The following ASB5 variants were observed in gnomAD, a reference collection of about 807,000 sequenced individuals.
The protein encoded by ASB5 is ankyrin repeat and SOCS box protein 5.
Under a neutral mutation model 42.1 loss-of-function variants are expected in ASB5, and 45 were observed. The ratio of observed to expected loss-of-function variants is 1.07; its 90% confidence interval spans 0.84 to 1.37. The LOEUF is 1.37. ASB5 is among the 40% of genes most tolerant of loss of function. The probability of loss-of-function intolerance (pLI) is 0.00; values close to 1 mark genes in which losing one functional copy is unlikely to be tolerated. For missense variants in ASB5, 402 were observed against 399.8 expected, an observed-to-expected ratio of 1.01 and a Z score of -0.05; for synonymous variants, 147 against 150.6, an observed-to-expected ratio of 0.98 and a Z score of 0.18.
At chr4:176,237,218 A>T in intron 1 of ASB5, 1 of 931,038 alleles carries the variant, frequency 1.1e-6, no homozygotes, top group Non-Finnish European at 1.3e-6. Context: ...CGCAGTTTAA[A>T]GTTAGTATTT....
intron 1 of ASB5, among the ~76,000 whole-genome samples, chr4:176,256,048 G>T (rs916415807): frequency 6.6e-6 from 1 of 152,138 alleles, no homozygotes; most frequent in Non-Finnish European, 1.5e-5. Context: ...ACTTTTAGGG[G>T]CTGTCATATA....
chr4:176,236,015 C>T (rs376670549), intron 1 of ASB5, among the ~76,000 whole-genome samples: 3 of 151,494 alleles, frequency 2.0e-5, no homozygotes, highest in South Asian at 4.2e-4. Context: ...GGGCCTGGCT[C>T]TATATTTTCA....
At chr4:176,234,779 A>G (rs766628945) in intron 1 of ASB5, among the ~76,000 whole-genome samples, 1 of 152,172 alleles carries the variant, frequency 6.6e-6, no homozygotes, top group Non-Finnish European at 1.5e-5. Context: ...ACTCTATCAC[A>G]TATTGGCTCA....
intron 1 of ASB5, among the ~76,000 whole-genome samples, chr4:176,234,956 G>A (rs1753649158): frequency 2.0e-5 from 3 of 152,144 alleles, no homozygotes; most frequent in Non-Finnish European, 4.4e-5. Context: ...TAGGACTTAG[G>A]GGAATTAAAT....
Position 176,236,754 on chromosome 4 carries a change from A to C in ASB5, c.197-11413T>G, listed in dbSNP as rs886819597. 2.6e-5 allele frequency among the ~76,000 whole-genome samples: 4 copies of C among 152,172 alleles called. No homozygotes were observed. In the East Asian group the frequency reaches 7.7e-4, roughly 29 times the overall value. ...TTATCATCTATCATACTGGTGTTCT[A>C]CTAAAACTTATGCAAATGTATGGAT... On this transcript the variant is annotated intron_variant, in intron 1 of 6. Transcript: ENST00000296525.
chr4:176,235,975 G>A (rs912704784), intron 1 of ASB5, among the ~76,000 whole-genome samples: 6 of 151,842 alleles, frequency 4.0e-5, no homozygotes, highest in Admixed American at 2.0e-4. Flanking sequence ...TCAGCCTTCT[G>A]AGTCACTGGA....
At chr4:176,272,075 A>C (rs1365788063), upstream of ASB5, among the ~76,000 whole-genome samples, 4 of 152,182 alleles carry the variant, frequency 2.6e-5, no homozygotes, top group African/African-American at 9.7e-5. Flanking sequence ...ATGATTAAAT[A>C]AGATGGAACT....
intron 1 of ASB5, among the ~76,000 whole-genome samples, chr4:176,244,173 ATATAT>A (rs1195582194): frequency 6.6e-6 from 1 of 152,018 alleles, no homozygotes; most frequent in Non-Finnish European, 1.5e-5. Flanking sequence ...TCTGAATGGT[ATATAT>A]TATATTTATG....
At chr4:176,239,403 A>G (rs1753764784) in intron 1 of ASB5, among the ~76,000 whole-genome samples, 1 of 152,246 alleles carries the variant, frequency 6.6e-6, no homozygotes, top group African/African-American at 2.4e-5. Flanking sequence ...ATAATAATGC[A>G]TAATAATATT....
rs1339260371 is a variant in ASB5 at position 176,219,582 on chromosome 4, A to AAATG, written c.670+1572_670+1573insCATT. 6.5e-3 allele frequency among the ~76,000 whole-genome samples: 274 copies of AAATG among 42,186 alleles called. 104 individuals are homozygous for AAATG. Among genetic ancestry groups the AAATG allele is most frequent in the Middle Eastern group, 0.017 (1 of 58 alleles). The allele number at this position is 42,186 out of a possible 152,430, so 27.7% of individuals were successfully genotyped here. A position where few individuals can be genotyped will look rare whatever the true frequency, so the allele number is the denominator to read the frequency against. The stretch of plus-strand genomic sequence containing the variant: ...ATATGTATATATTTGTATGATATAT[A>AAATG]TATATATATATATATATATATATAT... On this transcript the variant is annotated intron_variant, in intron 5 of 6. Coordinates refer to ENST00000296525, the MANE Select transcript of ASB5 (RefSeq NM_080874.4).
intron 1 of ASB5, among the ~76,000 whole-genome samples, chr4:176,246,440 T>A (rs1334280646): frequency 1.3e-5 from 2 of 152,220 alleles, no homozygotes; most frequent in African/African-American, 4.8e-5. Flanking sequence ...TAATTTCACT[T>A]AAACCAGTAT....
At chr4:176,245,330 GT>G (rs1753889254) in intron 1 of ASB5, among the ~76,000 whole-genome samples, 1 of 152,140 alleles carries the variant, frequency 6.6e-6, no homozygotes, top group South Asian at 2.1e-4. Flanking sequence ...AGAAATGCAA[GT>G]CAAAACCACA....
Position 176,228,861 on chromosome 4 carries a change from A to G in ASB5, c.197-3520T>C, listed in dbSNP as rs551549530. Among the ~76,000 whole-genome samples the G allele has an allele frequency of 2.6e-5, 4 of 152,332 alleles. No individual in the cohort carries two copies. In the East Asian group the frequency reaches 5.8e-4, roughly 22 times the overall value. On this transcript the variant is annotated intron_variant, in intron 1 of 6. Transcript: ENST00000296525. Reference sequence around the variant, plus strand: ...CTAAGATGAAATCTGATGCTTTAAAAATCACAGGCATCTGTTTGTATGATC... The same window carrying G: ...CTAAGATGAAATCTGATGCTTTAAAGATCACAGGCATCTGTTTGTATGATC...
Position 176,269,002 on chromosome 4 carries a change from G to T in ASB5, c.107C>A (p.Ala36Asp). ...CFKLFVKISL[A>D]ILSHFYIVKG... ...CACTATGTAGAAATGACTGAGGATGGCAAGGCTGATTTTCACAAAAAGCTT... is the reference window on the plus strand; with the variant it reads ...CACTATGTAGAAATGACTGAGGATGTCAAGGCTGATTTTCACAAAAAGCTT... Residue 36 changes from alanine (A) to aspartate (D), a missense_variant, in exon 1 of 7, where the codon GCC becomes GAC. Physicochemically the swap from Ala to Asp is moderately radical, Grantham distance 126. Coordinates refer to ENST00000296525, the MANE Select transcript of ASB5 (RefSeq NM_080874.4). 6.2e-7 allele frequency: 1 copy of T among 1,613,546 alleles called. No individual in the cohort carries two copies. The highest frequency in any genetic ancestry group is 8.5e-7 in the Non-Finnish European group (1 of 1,179,712).
At chr4:176,253,516 T>C (rs1047380983) in intron 1 of ASB5, among the ~76,000 whole-genome samples, 8 of 152,186 alleles carry the variant, frequency 5.3e-5, no homozygotes, top group African/African-American at 1.9e-4. Context: ...TTACTCCTGT[T>C]CCTATAATAT....
chr4:176,245,419 A>C (rs1480468992), intron 1 of ASB5, among the ~76,000 whole-genome samples: 1 of 152,204 alleles, frequency 6.6e-6, no homozygotes, highest in Non-Finnish European at 1.5e-5. Context: ...GAGGATGTGG[A>C]GAAATAGGAA....
intron 1 of ASB5, among the ~76,000 whole-genome samples, chr4:176,263,151 G>A (rs1273582374): frequency 6.6e-6 from 1 of 152,062 alleles, no homozygotes; most frequent in Admixed American, 6.6e-5. Flanking sequence ...ACACACACCT[G>A]CCCCCACTCT....
At chr4:176,237,250 T>A in intron 1 of ASB5, 1 of 982,950 alleles carries the variant, frequency 1.0e-6, no homozygotes, top group Non-Finnish European at 1.2e-6. Context: ...CCAATGTGGT[T>A]TATTTCAGGA....
At chr4:176,246,723 A>G (rs1377199982) in intron 1 of ASB5, among the ~76,000 whole-genome samples, 1 of 152,234 alleles carries the variant, frequency 6.6e-6, no homozygotes, top group East Asian at 1.9e-4. Context: ...ACAAAACAGA[A>G]AACCTTCAGA....
Sources: allele counts gnomAD v4.1 joint callset (sites outside exome capture counted in the v4.1 genomes callset), GRCh38; gene constraint gnomAD v4.1.1; transcripts MANE v1.5; gene names NCBI Gene and HGNC (gene_info 2026-07-23, HGNC 2026-07-21).